Variants in HDAC9 observed in about 807,000 individuals in gnomAD.
HDAC9 encodes the protein histone deacetylase 9.
A neutral mutation model predicts 139.4 loss-of-function variants in HDAC9; 41 were observed. The observed-to-expected ratio is 0.29, with a 90% CI of 0.23 to 0.38. The LOEUF (loss-of-function observed/expected upper bound fraction) is 0.38. HDAC9 is among the 10% of genes least tolerant of loss of function. HDAC9 has a pLI of 1.00. For synonymous variants in HDAC9, 517 were observed against 476.2 expected (o/e 1.09, Z -1.12); for missense variants, 1,147 against 1,297.0 (o/e 0.88, Z 1.78).
chr7:18,982,219 C>T (rs1471076906), intron 25 of HDAC9, among the ~76,000 whole-genome samples: 1 of 152,128 alleles, frequency 6.6e-6, no homozygotes, highest in Non-Finnish European at 1.5e-5. Context: ...ACAGTAGTTT[C>T]CTTACTGGTT....
intron 1 of HDAC9, among the ~76,000 whole-genome samples, chr7:18,340,783 T>TA (rs1781946097): frequency 1.3e-5 from 2 of 151,652 alleles, no homozygotes; most frequent in South Asian, 4.1e-4. Context: ...TAAAAATGTT[T>TA]ATTTTTTCAT....
chr7:18,904,311 G>A (rs1240577846), intron 22 of HDAC9, among the ~76,000 whole-genome samples: 1 of 152,116 alleles, frequency 6.6e-6, no homozygotes, highest in Non-Finnish European at 1.5e-5. Flanking sequence ...AAAAAATGCT[G>A]CTACCAGGTG....
chr7:18,439,620 GTCT>G (rs1293971637), intron 1 of HDAC9, among the ~76,000 whole-genome samples: 1 of 152,100 alleles, frequency 6.6e-6, no homozygotes, highest in Non-Finnish European at 1.5e-5. Flanking sequence ...CATTACTACT[GTCT>G]TCTTATTGAC....
Position 18,115,928 on chromosome 7 carries a change from T to C in HDAC9, c.-97+28715T>C, listed in dbSNP as rs191909990. 2.4e-4 allele frequency among the ~76,000 whole-genome samples: 36 copies of C among 152,364 alleles called. No homozygotes were observed. In the East Asian group the frequency reaches 6.2e-3, roughly 26 times the overall value. ...CTTCAAACTCAGGTATCTGACACCA[T>C]GTGGACCCTAACCACTTCACTACAT... On this transcript the variant is annotated intron_variant, in intron 1 of 12. Coordinates refer to the HDAC9 transcript ENST00000417496.
At chr7:18,535,608 C>A (rs1385927872) in intron 2 of HDAC9, among the ~76,000 whole-genome samples, 1 of 150,044 alleles carries the variant, frequency 6.7e-6, no homozygotes, top group Non-Finnish European at 1.5e-5. Flanking sequence ...ATCCAACAAT[C>A]TCATTTTATT....
intron 1 of HDAC9, among the ~76,000 whole-genome samples, chr7:18,312,604 A>G (rs1449233333): frequency 6.6e-6 from 1 of 152,108 alleles, no homozygotes; most frequent in Non-Finnish European, 1.5e-5. Context: ...AATTACACCT[A>G]GGGTTCTGAG....
intron 21 of HDAC9, among the ~76,000 whole-genome samples, chr7:18,848,887 T>C (rs1797085817): frequency 6.6e-6 from 1 of 152,162 alleles, no homozygotes; most frequent in South Asian, 2.1e-4. Context: ...ATATAATATG[T>C]AAATTCATGT....
chr7:18,699,136 A>T (rs1249218492), intron 12 of HDAC9, among the ~76,000 whole-genome samples: 1 of 152,198 alleles, frequency 6.6e-6, no homozygotes, highest in Non-Finnish European at 1.5e-5. Flanking sequence ...TGGCTGGGGC[A>T]ACCATTGAGA....
chr7:18,569,110 C>T (rs971979279), intron 2 of HDAC9, among the ~76,000 whole-genome samples: 27 of 151,940 alleles, frequency 1.8e-4, no homozygotes, highest in Middle Eastern at 6.8e-3. Flanking sequence ...CTCAGGAGTT[C>T]GCAAACTTTC....
At chr7:18,099,859 ATTAT>A (rs1223910460) in intron 1 of HDAC9, among the ~76,000 whole-genome samples, 4 of 152,188 alleles carry the variant, frequency 2.6e-5, no homozygotes, top group South Asian at 2.1e-4. Flanking sequence ...TAAAACAGTA[ATTAT>A]TTAAAGATAT....
chr7:18,658,959 A>G (rs555134086), intron 11 of HDAC9, among the ~76,000 whole-genome samples: 2 of 151,990 alleles, frequency 1.3e-5, no homozygotes, highest in African/African-American at 2.4e-5. Flanking sequence ...CCCAAGTACA[A>G]TCTGTCTTAA....
chr7:18,568,036 A>ATATATATATATATATATG, intron 2 of HDAC9, among the ~76,000 whole-genome samples: 1 of 143,766 alleles, frequency 7.0e-6, no homozygotes, highest in Non-Finnish European at 1.5e-5. Flanking sequence ...GTATATATAT[A>ATATATATATATATATATG]TATATATATA....
intron 1 of HDAC9, among the ~76,000 whole-genome samples, chr7:18,425,168 T>C (rs1789999074): frequency 1.3e-5 from 2 of 152,174 alleles, no homozygotes. Flanking sequence ...TTGGACAGAA[T>C]TTGCAGACAG....
chr7:18,338,635 A>T (rs1781763757), intron 1 of HDAC9, among the ~76,000 whole-genome samples: 1 of 151,484 alleles, frequency 6.6e-6, no homozygotes, highest in South Asian at 2.1e-4. Flanking sequence ...ATCTTGCATT[A>T]TTGGGATAAA....
At position 18,604,497 on chromosome 7, in the gene HDAC9, C is replaced by T. The variant is rs1032659513; in HGVS notation, c.664+10468C>T. ...TCTTGGCTCACTGCAAGCTCTGCCTCCTGGGTTCACGCCATTCTCCTGCCT... is the reference window on the plus strand; with the variant it reads ...TCTTGGCTCACTGCAAGCTCTGCCTTCTGGGTTCACGCCATTCTCCTGCCT... On this transcript the variant is annotated intron_variant, in intron 6 of 25. Coordinates refer to ENST00000686413, the MANE Select transcript of HDAC9 (RefSeq NM_178425.4). 5.3e-5 allele frequency among the ~76,000 whole-genome samples: 8 copies of T among 151,826 alleles called. No homozygotes were observed. The East Asian group carries it at 1.2e-3, about 22-fold the overall frequency.
Position 18,975,845 on chromosome 7 carries a change from G to C in HDAC9, c.3062G>C (p.Arg1021Thr). The C allele has an allele frequency of 6.2e-7, 1 of 1,613,874 alleles. No individual in the cohort carries two copies. The highest frequency in any genetic ancestry group is 2.2e-5 in the East Asian group (1 of 44,890). Reference sequence around the variant, plus strand: ...TCAGTAAGGATGGTGGCTGTGCCAAGGGGCTGTGCTCTGGCTGGTGCTCAG... The same window carrying C: ...TCAGTAAGGATGGTGGCTGTGCCAACGGGCTGTGCTCTGGCTGGTGCTCAG... ...WKSVRMVAVPRGCALAGAQLQ... is the reference protein window; with the variant it reads ...WKSVRMVAVPTGCALAGAQLQ... The change falls in exon 25 of 26, where the codon AGG becomes ACG. Residue 1021 changes from arginine to threonine, a missense_variant. Transcript: ENST00000686413.
intron 19 of HDAC9, 53 bp from the exon 20 acceptor site, chr7:18,835,414 C>A: frequency 1.3e-6 from 2 of 1,548,310 alleles, no homozygotes; most frequent in South Asian, 1.2e-5. Context: ...AAGGTTGTCT[C>A]CACACAAAGT....
chr7:18,812,963 G>A (rs1049731270), intron 17 of HDAC9, among the ~76,000 whole-genome samples: 2 of 151,908 alleles, frequency 1.3e-5, no homozygotes, highest in East Asian at 1.9e-4. Context: ...TTCACACATT[G>A]TACTATTTAC....
intron 13 of HDAC9, among the ~76,000 whole-genome samples, chr7:18,739,417 T>C (rs190003873): frequency 1.3e-5 from 2 of 152,366 alleles, no homozygotes; most frequent in East Asian, 3.9e-4. Context: ...CTTTGGTCTT[T>C]GATGTTGGTG....
Sources: gnomAD v4.1 joint callset for allele counts (sites outside exome capture counted in the v4.1 genomes callset) on GRCh38, gnomAD v4.1.1 for gene constraint, MANE v1.5 for transcripts, NCBI Gene and HGNC (gene_info 2026-07-23, HGNC 2026-07-21) for gene names.